SEL1L: variants seen among roughly 807,000 people sequenced by gnomAD.
The protein encoded by SEL1L is protein sel-1 homolog 1.
In SEL1L, 52 loss-of-function variants were observed where a neutral mutation model predicts 109.8. That is an observed-to-expected ratio of 0.47 (90% confidence interval 0.38 to 0.60). SEL1L has a LOEUF of 0.60. Ranked by LOEUF, SEL1L falls within the 20% of genes least tolerant of loss-of-function variation. SEL1L has a pLI of 0.00. For missense variants in SEL1L, 749 were observed against 962.2 expected (o/e 0.78, Z 2.93); for synonymous variants, 373 against 339.6 (o/e 1.10, Z -1.08).
At chr14:81,515,266 A>C (rs1884655592) in intron 3 of SEL1L, among the ~76,000 whole-genome samples, 1 of 152,210 alleles carries the variant, frequency 6.6e-6, no homozygotes, top group East Asian at 1.9e-4. Flanking sequence ...ATCAAGGCAG[A>C]CCTGGGGAAG....
At chr14:81,519,644 T>C (rs1884833836) in intron 3 of SEL1L, among the ~76,000 whole-genome samples, 1 of 152,138 alleles carries the variant, frequency 6.6e-6, no homozygotes. Context: ...CTGGCTGCTG[T>C]TAGGGAACTG....
chr14:81,513,700 C>T lies in SEL1L; in HGVS notation c.341-7459G>A, dbSNP rs186751045. 5.5e-3 allele frequency among the ~76,000 whole-genome samples: 830 copies of T among 152,268 alleles called. 4 individuals carry two copies. Among genetic ancestry groups the T allele is most frequent in the Non-Finnish European group, 5.1e-3 (348 of 68,026 alleles). On this transcript the variant is annotated intron_variant, in intron 3 of 20. Transcript: ENST00000336735. ...GTCAGCCAGTTAAAAGCGACTAGCGCGGCCGCCGGACTAAAGACACGGATG... is the reference window on the plus strand; with the variant it reads ...GTCAGCCAGTTAAAAGCGACTAGCGTGGCCGCCGGACTAAAGACACGGATG...
At chr14:81,479,154 G>A (rs966636192) in intron 20 of SEL1L, 1 of 152,244 alleles carries the variant, frequency 6.6e-6, no homozygotes, top group African/African-American at 2.4e-5. Context: ...TATTTTTAGA[G>A]AAGAAAATTT....
chr14:81,510,512 C>CTATATATATATATATA (rs1342094383), intron 3 of SEL1L, among the ~76,000 whole-genome samples: 13 of 106,726 alleles, frequency 1.2e-4, no homozygotes, highest in Admixed American at 5.9e-4. Flanking sequence ...CTCTCTCTCT[C>CTATATATATATATATA]TCTATATATA....
At chr14:81,511,725 C>A (rs1205642806) in intron 3 of SEL1L, among the ~76,000 whole-genome samples, 1 of 152,200 alleles carries the variant, frequency 6.6e-6, no homozygotes. Flanking sequence ...GTAGAAATGC[C>A]ATTCTGTTGC....
chr14:81,522,503 TAAC>T (rs1412761722), intron 3 of SEL1L, among the ~76,000 whole-genome samples: 2 of 152,258 alleles, frequency 1.3e-5, no homozygotes, highest in African/African-American at 4.8e-5. Context: ...TTCAATACAA[TAAC>T]AAGCTGTAGA....
rs1280717544 is a variant in SEL1L at position 81,472,758 on chromosome 14, T to C, written c.*4214A>G. 2 of 174,232 alleles carry C rather than the reference T, an allele frequency of 1.1e-5. No homozygotes were observed. The highest frequency in any genetic ancestry group is 3.4e-4 in the East Asian group (2 of 5,812). 10.8% of individuals were successfully genotyped at this position (174,232 alleles called of 1,614,324 possible). A position where few individuals can be genotyped will look rare whatever the true frequency, so the allele number is the denominator to read the frequency against. Reference sequence around the variant, plus strand: ...GGGCAATATTGGACTTGTAAAAATCTGAATTTCAGGAGTTTAAAATGAAAG... The same window carrying C: ...GGGCAATATTGGACTTGTAAAAATCCGAATTTCAGGAGTTTAAAATGAAAG... On this transcript the variant is annotated 3_prime_UTR_variant, in exon 21 of 21. Transcript: ENST00000336735.
intron 3 of SEL1L, among the ~76,000 whole-genome samples, chr14:81,514,904 C>A (rs994164565): frequency 6.6e-6 from 1 of 152,188 alleles, no homozygotes; most frequent in African/African-American, 2.4e-5. Flanking sequence ...AATTACAATA[C>A]TATCTTGCAG....
chr14:81,492,597 T>C lies in SEL1L; in HGVS notation c.1186-49A>G, dbSNP rs750763549. ...ATAATTAGTTTTTAACAGAATCTGC[T>C]TTTGACTTTCAGCCAAAATAATTAT... is the stretch of plus-strand genomic sequence containing the variant. On this transcript the variant is annotated intron_variant, in intron 11 of 20. Transcript: ENST00000336735. 16 of 1,269,346 alleles carry C rather than the reference T, an allele frequency of 1.3e-5. No individual in the cohort carries two copies. In the South Asian group the frequency reaches 2.1e-4, roughly 16 times the overall value. 78.6% of individuals were successfully genotyped at this position (1,269,346 alleles called of 1,614,324 possible).
chr14:81,511,275 T>C (rs1884466388), intron 3 of SEL1L, among the ~76,000 whole-genome samples: 2 of 152,246 alleles, frequency 1.3e-5, no homozygotes, highest in African/African-American at 4.8e-5. Context: ...AGCTCAGCTC[T>C]TTCTGTGAGA....
At chr14:81,484,575 G>A in intron 18 of SEL1L, 178 bp from the exon 19 acceptor site, 1 of 565,676 alleles carries the variant, frequency 1.8e-6, no homozygotes, top group Admixed American at 3.1e-5. Context: ...ATTTAAACTA[G>A]AAGTGTAGCT....
At chr14:81,481,244 C>T (rs1354729782) in intron 19 of SEL1L, among the ~76,000 whole-genome samples, 1 of 152,124 alleles carries the variant, frequency 6.6e-6, no homozygotes, top group Non-Finnish European at 1.5e-5. Context: ...CTTCTACTCC[C>T]TATTATCAAA....
At chr14:81,504,899 T>C (rs1884173816) in intron 4 of SEL1L, among the ~76,000 whole-genome samples, 2 of 152,250 alleles carry the variant, frequency 1.3e-5, no homozygotes, top group Middle Eastern at 3.4e-3. Flanking sequence ...GCATCTCATA[T>C]GGTAAGTTTC....
intron 1 of SEL1L, among the ~76,000 whole-genome samples, chr14:81,528,321 A>G (rs749193388): frequency 1.3e-5 from 2 of 152,194 alleles, no homozygotes; most frequent in African/African-American, 2.4e-5. Flanking sequence ...GGTAAAAAGC[A>G]GCATGGTCCT....
intron 4 of SEL1L, 28 bp downstream of exon 4, chr14:81,506,046 G>T (rs772981473): frequency 6.2e-7 from 1 of 1,607,402 alleles, no homozygotes. Context: ...AAGCAATGCA[G>T]ATCTGCCTCC....
In SEL1L at chr14:81,476,822, A is replaced by T; in HGVS notation, c.*150T>A. 1 of 693,742 alleles carries T rather than the reference A, an allele frequency of 1.4e-6. No homozygotes were observed. The highest frequency in any genetic ancestry group is 2.3e-6 in the Non-Finnish European group (1 of 426,218). The allele number at this position is 693,742 out of a possible 1,614,324, so 43.0% of individuals were successfully genotyped here. On this transcript the variant is annotated 3_prime_UTR_variant, in exon 21 of 21. Coordinates refer to ENST00000336735, the MANE Select transcript of SEL1L (RefSeq NM_005065.6). ...ACTTATCCCTGAAAATAAAGGCATCAGATTCTAAGCAGCTTTAGGAATTCA... is the reference window on the plus strand; with the variant it reads ...ACTTATCCCTGAAAATAAAGGCATCTGATTCTAAGCAGCTTTAGGAATTCA...
At chr14:81,502,540 A>G (rs566801842) in intron 6 of SEL1L, among the ~76,000 whole-genome samples, 181 bp downstream of exon 6, 1 of 152,374 alleles carries the variant, frequency 6.6e-6, no homozygotes, top group East Asian at 1.9e-4. Flanking sequence ...TTCCATGACC[A>G]TAAATGTTCC....
intron 14 of SEL1L, among the ~76,000 whole-genome samples, chr14:81,488,471 G>C (rs1883410374): frequency 6.6e-6 from 1 of 152,308 alleles, no homozygotes; most frequent in South Asian, 2.1e-4. Flanking sequence ...TTTTGTGTTA[G>C]AGAATACCTA....
In SEL1L at chr14:81,495,135, A is replaced by T; in HGVS notation, c.1131T>A (p.Val377=). The change falls in exon 11 of 21, where the codon GTT becomes GTA. Residue 377 remains valine (V), a splice_region_variant and synonymous_variant. Coordinates refer to ENST00000336735, the MANE Select transcript of SEL1L (RefSeq NM_005065.6). The part of the protein sequence containing the change: ...LAEKGDVQAQ[V]GLGQLHLHGG... The stretch of plus-strand genomic sequence containing the variant: ...CGTGCAGGTGCAGTTGTCCAAGACC[A>T]ACCTGAAAATGATCACAAACAAGGC... 6.2e-7 allele frequency: 1 copy of T among 1,614,044 alleles called. No individual in the cohort carries two copies. The highest frequency in any genetic ancestry group is 1.7e-5 in the Admixed American group (1 of 60,014).
Sources: allele counts gnomAD v4.1 joint callset (sites outside exome capture counted in the v4.1 genomes callset), GRCh38; gene constraint gnomAD v4.1.1; transcripts MANE v1.5; gene names NCBI Gene and HGNC (gene_info 2026-07-23, HGNC 2026-07-21).